GRID1: variants seen among roughly 807,000 people sequenced by gnomAD.
GRID1 encodes the protein glutamate receptor ionotropic, delta-1.
A neutral mutation model predicts 98.0 loss-of-function variants in GRID1; 28 were observed. The ratio of observed to expected loss-of-function variants is 0.29; its 90% CI spans 0.21 to 0.39. The LOEUF is 0.39. Ranked by LOEUF, GRID1 falls within the 10% of genes least tolerant of loss-of-function variation. GRID1 has a pLI of 1.00. For synonymous variants in GRID1, 553 were observed against 538.5 expected (o/e 1.03, Z -0.37); for missense variants, 1,111 against 1,340.5 (o/e 0.83, Z 2.67).
At chr10:85,648,493 C>T (rs1230241103) in intron 12 of GRID1, among the ~76,000 whole-genome samples, 1 of 152,070 alleles carries the variant, frequency 6.6e-6, no homozygotes, top group Non-Finnish European at 1.5e-5. Context: ...CTTTAACAAC[C>T]CACATCATCA....
chr10:85,903,204 T>A (rs890011425), intron 5 of GRID1, among the ~76,000 whole-genome samples: 1 of 152,146 alleles, frequency 6.6e-6, no homozygotes, highest in African/African-American at 2.4e-5. Flanking sequence ...ATCTCAAAAT[T>A]AACAGATTCA....
intron 8 of GRID1, among the ~76,000 whole-genome samples, chr10:85,821,153 G>GT (rs1452998442): frequency 1.3e-5 from 2 of 151,236 alleles, no homozygotes; most frequent in African/African-American, 4.9e-5. Context: ...AGAAGAAAGA[G>GT]TAAAAAAAAA....
chr10:86,147,268 C>T (rs1845102337), intron 3 of GRID1, among the ~76,000 whole-genome samples: 1 of 152,212 alleles, frequency 6.6e-6, no homozygotes, highest in African/African-American at 2.4e-5. Flanking sequence ...ACAAAAAGCT[C>T]TACCCTCTGT....
intron 4 of GRID1, among the ~76,000 whole-genome samples, chr10:85,918,658 C>T (rs1377925806): frequency 6.6e-6 from 1 of 152,182 alleles, no homozygotes; most frequent in Non-Finnish European, 1.5e-5. Flanking sequence ...TCTATGCATC[C>T]TCTGAGTGTT....
At chr10:85,859,888 G>GA (rs1259034176) in intron 6 of GRID1, among the ~76,000 whole-genome samples, 11 of 152,160 alleles carry the variant, frequency 7.2e-5, no homozygotes, top group Non-Finnish European at 1.2e-4. Context: ...ATTCTTGGAT[G>GA]AAAAAAATCA....
intron 8 of GRID1, among the ~76,000 whole-genome samples, chr10:85,731,493 A>G (rs1841820858): frequency 6.6e-6 from 1 of 151,174 alleles, no homozygotes; most frequent in Non-Finnish European, 1.5e-5. Context: ...AATCATGGCT[A>G]TTTCTCCATT....
chr10:86,053,868 A>C (rs1264740442), intron 4 of GRID1, among the ~76,000 whole-genome samples: 1 of 152,214 alleles, frequency 6.6e-6, no homozygotes, highest in Non-Finnish European at 1.5e-5. Flanking sequence ...GCATAAGCAC[A>C]TGCTCACACA....
At position 86,135,166 on chromosome 10, in the gene GRID1, T is replaced by C. The variant is rs1589383304; in HGVS notation, c.726+3653A>G. Among the ~76,000 whole-genome samples, 5 of 152,308 alleles carry C rather than the reference T, an allele frequency of 3.3e-5. No homozygotes were observed. In the South Asian group the frequency reaches 1.0e-3, roughly 32 times the overall value. ...CAGCTGGTGAGGAAGCTGATGGGCT[T>C]GCATGAGGAGAACATCATAGGTAGT... is the stretch of plus-strand genomic sequence containing the variant. On this transcript the variant is annotated intron_variant, in intron 4 of 15. Coordinates refer to ENST00000327946, the MANE Select transcript of GRID1 (RefSeq NM_017551.3).
At chr10:86,342,069 G>A (rs1848318310) in intron 2 of GRID1, among the ~76,000 whole-genome samples, 1 of 152,148 alleles carries the variant, frequency 6.6e-6, no homozygotes, top group Non-Finnish European at 1.5e-5. Flanking sequence ...AGGGGCTGGT[G>A]TGACCTTCCG....
chr10:85,870,769 A>G (rs952397919), intron 5 of GRID1, among the ~76,000 whole-genome samples: 2 of 152,134 alleles, frequency 1.3e-5, no homozygotes, highest in East Asian at 1.9e-4. Flanking sequence ...CCCTGCAGGG[A>G]ATGCTTGTGG....
At chr10:86,046,377 G>A (rs1464776652) in intron 4 of GRID1, among the ~76,000 whole-genome samples, 1 of 152,170 alleles carries the variant, frequency 6.6e-6, no homozygotes, top group African/African-American at 2.4e-5. Flanking sequence ...CCATAAAGCT[G>A]TTTTCTTCTA....
At chr10:85,817,331 C>A (rs1440299405) in intron 8 of GRID1, among the ~76,000 whole-genome samples, 2 of 149,728 alleles carry the variant, frequency 1.3e-5, no homozygotes, top group Non-Finnish European at 3.0e-5. Context: ...AGTTCCAGAC[C>A]AGCCTGGGAA....
chr10:86,162,685 C>T (rs778787220), intron 3 of GRID1, among the ~76,000 whole-genome samples: 14 of 152,206 alleles, frequency 9.2e-5, no homozygotes, highest in Non-Finnish European at 1.8e-4. Flanking sequence ...GCAGGGTGCA[C>T]ACTAGTGGAC....
chr10:86,079,025 C>T (rs2131928041), intron 4 of GRID1, among the ~76,000 whole-genome samples: 1 of 152,352 alleles, frequency 6.6e-6, no homozygotes, highest in Middle Eastern at 3.4e-3. Context: ...GTCAGCACAG[C>T]ACTCAGAAAC....
At chr10:85,843,235 A>G (rs765493400) in intron 8 of GRID1, among the ~76,000 whole-genome samples, 31 of 151,904 alleles carry the variant, frequency 2.0e-4, no homozygotes, top group Non-Finnish European at 4.6e-4. Flanking sequence ...TTGGATACCT[A>G]TAGGGAAAAA....
intron 4 of GRID1, among the ~76,000 whole-genome samples, chr10:86,054,174 C>G (rs1234856250): frequency 6.7e-5 from 10 of 150,020 alleles, no homozygotes; most frequent in Non-Finnish European, 1.5e-4. Flanking sequence ...GGCAAAAGAG[C>G]AACTCTGAAG....
At chr10:86,072,963 A>G (rs1843825054) in intron 4 of GRID1, among the ~76,000 whole-genome samples, 1 of 152,262 alleles carries the variant, frequency 6.6e-6, no homozygotes, top group African/African-American at 2.4e-5. Flanking sequence ...GGAAACATGA[A>G]GATAGCTGAT....
At chr10:86,051,089 T>A (rs1213295964) in intron 4 of GRID1, among the ~76,000 whole-genome samples, 3 of 150,466 alleles carry the variant, frequency 2.0e-5, no homozygotes, top group African/African-American at 4.9e-5. Flanking sequence ...AAAAAAAAAA[T>A]GTGTATATAT....
At chr10:85,602,738 A>T in intron 15 of GRID1, 37 bp from the exon 16 acceptor site, 1 of 1,501,210 alleles carries the variant, frequency 6.7e-7, no homozygotes, top group Non-Finnish European at 9.1e-7. Context: ...GTGGAGCCCT[A>T]ACAGTGAGTC....
Sources: gnomAD v4.1 joint callset for allele counts (sites outside exome capture counted in the v4.1 genomes callset) on GRCh38, gnomAD v4.1.1 for gene constraint, MANE v1.5 for transcripts, NCBI Gene and HGNC (gene_info 2026-07-23, HGNC 2026-07-21) for gene names.